Variants in ABCG2 observed in about 807,000 individuals in gnomAD.
The protein encoded by ABCG2 is broad substrate specificity ATP-binding cassette transporter ABCG2.
ABCG2 carries 80 observed loss-of-function variants against 73.5 expected under a neutral mutation model. The ratio of observed to expected loss-of-function variants is 1.09; its 90% confidence interval spans 0.91 to 1.31. ABCG2 has a LOEUF of 1.31. Ranked by LOEUF, ABCG2 falls within the 50% of genes most tolerant of loss-of-function variation. The pLI is 0.00. For missense variants in ABCG2, 796 were observed against 786.2 expected, an observed-to-expected ratio of 1.01 and a Z score of -0.15; for synonymous variants, 269 against 282.4, an observed-to-expected ratio of 0.95 and a Z score of 0.48.
At chr4:88,146,674 A>G (rs1373107964) in intron 1 of ABCG2, among the ~76,000 whole-genome samples, 1 of 152,176 alleles carries the variant, frequency 6.6e-6, no homozygotes. Flanking sequence ...GATTACAGGC[A>G]TGAGTCACCG....
intron 5 of ABCG2, among the ~76,000 whole-genome samples, chr4:88,130,683 C>A (rs1451086002): frequency 6.6e-6 from 1 of 151,878 alleles, no homozygotes; most frequent in Non-Finnish European, 1.5e-5. Context: ...AGCAATGGAA[C>A]AAAGTCCCTT....
intron 1 of ABCG2, among the ~76,000 whole-genome samples, chr4:88,147,046 A>AAAG (rs367791116): frequency 4.4e-4 from 64 of 144,144 alleles, no homozygotes; most frequent in African/African-American, 1.3e-3. Context: ...AGAAAGAAAG[A>AAAG]AAAGAAAGGT....
At chr4:88,144,157 T>C (rs1381240311) in intron 1 of ABCG2, among the ~76,000 whole-genome samples, 2 of 152,222 alleles carry the variant, frequency 1.3e-5, no homozygotes, top group African/African-American at 4.8e-5. Context: ...GCAGATTACC[T>C]GCTAAGGCTA....
chr4:88,100,401 G>A (rs1722313594), intron 11 of ABCG2, among the ~76,000 whole-genome samples: 1 of 151,818 alleles, frequency 6.6e-6, no homozygotes, highest in African/African-American at 2.4e-5. Context: ...TACTTGGGAG[G>A]CTGAGGGAGG....
At chr4:88,200,903 T>TTTATTA (rs1339544162) in intron 1 of ABCG2, among the ~76,000 whole-genome samples, 1 of 151,904 alleles carries the variant, frequency 6.6e-6, no homozygotes, top group African/African-American at 2.4e-5. Flanking sequence ...AATTTTGAAC[T>TTTATTA]AAATAAAAAT....
chr4:88,230,854 G>C (rs892897441), intron 1 of ABCG2: 2 of 152,166 alleles, frequency 1.3e-5, no homozygotes, highest in Non-Finnish European at 2.9e-5. Flanking sequence ...GTTTCAGCAA[G>C]ATCTCCAGGT....
rs1212832973 is a variant in ABCG2, at chr4:88,121,780, AC to A, written c.543del (p.Gln181HisfsTer16). 1 of 1,612,202 alleles carries A rather than the reference AC, an allele frequency of 6.2e-7. No homozygotes were observed. The highest frequency in any genetic ancestry group is 8.5e-7 in the Non-Finnish European group (1 of 1,179,500). On this transcript the variant is annotated frameshift_variant, in exon 6 of 16. Coordinates refer to ENST00000237612, the MANE Select transcript of ABCG2 (RefSeq NM_004827.3). LOFTEE classifies it high-confidence loss of function. ...DKVADSKVGTQFIRGVSGGER... is the reference protein window; with the variant it reads ...DKVADSKVGTXFIRGVSGGER... ...TCTCCTCCAGACACACCACGGATAA[AC>A]TGAGTTCCAACCTAAATCACAAATA... is the stretch of plus-strand genomic sequence containing the variant.
intron 1 of ABCG2, among the ~76,000 whole-genome samples, chr4:88,217,728 C>T (rs1186498932): frequency 2.6e-5 from 4 of 151,888 alleles, no homozygotes; most frequent in Non-Finnish European, 5.9e-5. Flanking sequence ...AATCCCAGCA[C>T]TCTGGGAAGG....
chr4:88,145,577 G>C (rs2110064312), intron 1 of ABCG2, among the ~76,000 whole-genome samples: 1 of 152,252 alleles, frequency 6.6e-6, no homozygotes, highest in South Asian at 2.1e-4. Flanking sequence ...GGGCTGTATG[G>C]TCAGTGAGAA....
chr4:88,125,376 A>G (rs1724322283), intron 5 of ABCG2, among the ~76,000 whole-genome samples: 1 of 151,766 alleles, frequency 6.6e-6, no homozygotes, highest in Non-Finnish European at 1.5e-5. Context: ...TGGGAGGCCG[A>G]GGCAGGCGGA....
intron 1 of ABCG2, among the ~76,000 whole-genome samples, chr4:88,219,093 T>A (rs1476761725): frequency 6.6e-6 from 1 of 152,264 alleles, no homozygotes; most frequent in Non-Finnish European, 1.5e-5. Flanking sequence ...CTTTTCTTCA[T>A]GACTTCTCAC....
chr4:88,139,258 G>GCTTTTT (rs1350684098), intron 2 of ABCG2, among the ~76,000 whole-genome samples: 2 of 151,862 alleles, frequency 1.3e-5, no homozygotes, highest in Non-Finnish European at 1.5e-5. Context: ...CACAAAGTAC[G>GCTTTTT]CTTTTTCTTT....
intron 1 of ABCG2, among the ~76,000 whole-genome samples, chr4:88,210,255 A>G (rs1267194870): frequency 6.6e-6 from 1 of 152,036 alleles, no homozygotes; most frequent in Non-Finnish European, 1.5e-5. Flanking sequence ...GTGCCTCTCT[A>G]TGTTGCCTAA....
At chr4:88,229,410 G>C (rs565204981) in intron 1 of ABCG2, among the ~76,000 whole-genome samples, 1 of 152,298 alleles carries the variant, frequency 6.6e-6, no homozygotes. Flanking sequence ...AGGCCGAGAT[G>C]GGAGGATCGC....
chr4:88,215,175 AG>A (rs2110126522), intron 1 of ABCG2, among the ~76,000 whole-genome samples: 2 of 152,334 alleles, frequency 1.3e-5, no homozygotes, highest in African/African-American at 4.8e-5. Flanking sequence ...GTAAATTATA[AG>A]GGTGTTAGAC....
rs1245989189 is a variant in ABCG2 at position 88,226,749 on chromosome 4, A to G, written c.-20+4245T>C. 2.0e-5 allele frequency: 3 copies of G among 152,380 alleles called. No individual in the cohort carries two copies. In the East Asian group the frequency reaches 5.8e-4, roughly 29 times the overall value. 9.4% of individuals were successfully genotyped at this position (152,380 alleles called of 1,614,324 possible). ...ACATGTTCCTTTTAGCAGCAAATAT[A>G]CTAAAATTGGAATGATACAAAGATT... is the stretch of plus-strand genomic sequence containing the variant. On this transcript the variant is annotated intron_variant, in intron 1 of 15. Coordinates refer to the ABCG2 transcript ENST00000515655.
chr4:88,172,578 A>AG (rs199535936), intron 1 of ABCG2, among the ~76,000 whole-genome samples: 2,969 of 14,978 alleles, frequency 0.2, 85 homozygotes, highest in African/African-American at 0.28. Context: ...ACTCTGTCTC[A>AG]GGGAAAAAAA....
intron 2 of ABCG2, among the ~76,000 whole-genome samples, chr4:88,133,815 T>C (rs963709354): frequency 2.6e-5 from 4 of 152,090 alleles, no homozygotes; most frequent in Admixed American, 1.3e-4. Flanking sequence ...CTGGCCAACA[T>C]GGCAAAACCC....
intron 1 of ABCG2, among the ~76,000 whole-genome samples, chr4:88,207,284 T>C (rs777606768): frequency 6.6e-6 from 1 of 151,874 alleles, no homozygotes; most frequent in Non-Finnish European, 1.5e-5. Flanking sequence ...ATGAGTTCAA[T>C]TGGACTTCCT....
Sources: gnomAD v4.1 joint callset for allele counts (sites outside exome capture counted in the v4.1 genomes callset) on GRCh38, gnomAD v4.1.1 for gene constraint, MANE v1.5 for transcripts, NCBI Gene and HGNC (gene_info 2026-07-23, HGNC 2026-07-21) for gene names.